Variants in ALKBH8 observed in about 807,000 individuals in gnomAD.
The protein encoded by ALKBH8 is tRNA (carboxymethyluridine(34)-5-O)-methyltransferase ALKBH8.
A neutral mutation model predicts 59.8 loss-of-function variants in ALKBH8; 36 were observed. The observed-to-expected ratio is 0.60, with a 90% CI of 0.46 to 0.79. The LOEUF is 0.79. Ranked by LOEUF, ALKBH8 falls within the 30% of genes least tolerant of loss-of-function variation. ALKBH8 has a pLI of 0.00. For synonymous variants in ALKBH8, 276 were observed against 273.6 expected, an observed-to-expected ratio of 1.01 and a Z score of -0.09; for missense variants, 768 against 801.0, an observed-to-expected ratio of 0.96 and a Z score of 0.50.
In ALKBH8 at chr11:107,504,713, A is replaced by G. The variant is rs1329239663; in HGVS notation, c.1940T>C (p.Ile647Thr). 1.3e-6 allele frequency: 2 copies of G among 1,551,616 alleles called. No homozygotes were observed. The highest frequency in any genetic ancestry group is 4.9e-5 in the East Asian group (2 of 40,920). Reference sequence around the variant, plus strand: ...TCCTTGATCGTAGTAGCTTTGCAGAATTCTGACATCACTCACAGTCCTGCA... The same window carrying G: ...TCCTTGATCGTAGTAGCTTTGCAGAGTTCTGACATCACTCACAGTCCTGCA... ...GACRTVSDVRILQSYYDQGNW... is the reference protein window; with the variant it reads ...GACRTVSDVRTLQSYYDQGNW... The change falls in exon 12 of 12, where the codon ATT becomes ACT. Residue 647 changes from isoleucine (I) to threonine (T), a missense_variant. By Grantham distance (89) the Ile-to-Thr change is moderately conservative. Coordinates refer to ENST00000428149, the MANE Select transcript of ALKBH8 (RefSeq NM_138775.3).
chr11:107,531,655 T>C (rs1863599472), intron 8 of ALKBH8, among the ~76,000 whole-genome samples: 1 of 152,236 alleles, frequency 6.6e-6, no homozygotes, highest in African/African-American at 2.4e-5. Flanking sequence ...ATTTTATCAA[T>C]GTTGAATTTC....
intron 11 of ALKBH8, among the ~76,000 whole-genome samples, chr11:107,508,477 T>C (rs113366089): frequency 4.3e-4 from 65 of 152,202 alleles, no homozygotes; most frequent in Non-Finnish European, 7.8e-4. Context: ...CTGGCCTCAA[T>C]GACTTATTTT....
At chr11:107,539,194 GAATTGACAGT>G (rs1863937710) in intron 7 of ALKBH8, among the ~76,000 whole-genome samples, 1 of 152,218 alleles carries the variant, frequency 6.6e-6, no homozygotes, top group African/African-American at 2.4e-5. Context: ...CAGGGCAGAG[GAATTGACAGT>G]AATTTTGCCC....
At chr11:107,514,405 A>T (rs1862770398) in intron 10 of ALKBH8, among the ~76,000 whole-genome samples, 2 of 152,196 alleles carry the variant, frequency 1.3e-5, no homozygotes, top group South Asian at 4.1e-4. Flanking sequence ...TCGGTATTAA[A>T]CAGCTTCTAT....
chr11:107,530,600 AACACACACACACACACACACACAC>A (rs66736211), intron 8 of ALKBH8, among the ~76,000 whole-genome samples: 4 of 132,098 alleles, frequency 3.0e-5, no homozygotes, highest in South Asian at 2.6e-4. Flanking sequence ...CTCTCTTCCT[AACACACACACACACACACACACAC>A]ACACACACAC....
At chr11:107,520,196 C>T (rs755573416) in intron 10 of ALKBH8, among the ~76,000 whole-genome samples, 11 of 152,094 alleles carry the variant, frequency 7.2e-5, no homozygotes, top group Non-Finnish European at 1.3e-4. Context: ...TTCAACAAAC[C>T]ATTAATTAGT....
chr11:107,510,433 A>C (rs974012372), intron 11 of ALKBH8, among the ~76,000 whole-genome samples: 1 of 152,184 alleles, frequency 6.6e-6, no homozygotes, highest in Non-Finnish European at 1.5e-5. Context: ...GAAAAACAGA[A>C]TGGGAAAGAA....
Position 107,510,844 on chromosome 11 carries a change from G to T in ALKBH8, c.1437+43C>A, listed in dbSNP as rs1485584548. 3 of 1,540,578 alleles carry T rather than the reference G, an allele frequency of 1.9e-6. No individual in the cohort carries two copies. The South Asian group carries it at 3.7e-5, about 19-fold the overall frequency. ...GCAAAATTCATGAACTCTTCCTGCT[G>T]CTTTAGCTACAAGTTCTTAAGAGAA... On this transcript the variant is annotated intron_variant, in intron 11 of 11. Coordinates refer to ENST00000428149, the MANE Select transcript of ALKBH8 (RefSeq NM_138775.3).
rs557679949 is a variant in ALKBH8 at position 107,508,760 on chromosome 11, T to C, written c.1437+2127A>G. On this transcript the variant is annotated intron_variant, in intron 11 of 11. Coordinates refer to ENST00000428149, the MANE Select transcript of ALKBH8 (RefSeq NM_138775.3). ...AGTAGTTCATGTAAGTAGAATGATA[T>C]AGTATTTGTCCTTTTGCATCTGGCT... 3.3e-5 allele frequency among the ~76,000 whole-genome samples: 5 copies of C among 152,330 alleles called. No individual in the cohort carries two copies. In the South Asian group the frequency reaches 6.2e-4, roughly 19 times the overall value.
At chr11:107,551,486 G>T in intron 6 of ALKBH8, among the ~76,000 whole-genome samples, 1 of 152,004 alleles carries the variant, frequency 6.6e-6, no homozygotes, top group Admixed American at 6.6e-5. Flanking sequence ...CTGAGGTCAG[G>T]AGTTTGAGAC....
chr11:107,534,265 A>G (rs1863718774), intron 7 of ALKBH8, among the ~76,000 whole-genome samples: 1 of 152,244 alleles, frequency 6.6e-6, no homozygotes, highest in Non-Finnish European at 1.5e-5. Context: ...CCACACCTCG[A>G]AAGAATAATG....
At chr11:107,528,634 C>T (rs1257187255) in intron 8 of ALKBH8, among the ~76,000 whole-genome samples, 2 of 152,138 alleles carry the variant, frequency 1.3e-5, no homozygotes, top group African/African-American at 2.4e-5. Context: ...AAATCAATTA[C>T]TTCACTTGCC....
In ALKBH8 at chr11:107,503,571, A is replaced by C. The variant is rs1327621334; in HGVS notation, c.*1087T>G. On this transcript the variant is annotated 3_prime_UTR_variant, in exon 12 of 12. Transcript: ENST00000428149. ...ATTTCTACCTTTGTTCCTCCAGGAA[A>C]TCTAACCTAAGTGGTAAGTTAACTG... 2.6e-5 allele frequency: 4 copies of C among 152,186 alleles called. No individual in the cohort carries two copies. 9.4% of individuals were successfully genotyped at this position (152,186 alleles called of 1,614,324 possible).
chr11:107,537,190 T>C (rs1323181331), intron 7 of ALKBH8, among the ~76,000 whole-genome samples: 2 of 152,256 alleles, frequency 1.3e-5, no homozygotes, highest in East Asian at 3.8e-4. Context: ...GTTGGGTTAG[T>C]TTTGTGCAGT....
chr11:107,557,065 G>T, intron 2 of ALKBH8, 62 bp from the exon 3 acceptor site: 2 of 1,144,640 alleles, frequency 1.7e-6, no homozygotes, highest in Non-Finnish European at 2.3e-6. Context: ...CAACCCATTT[G>T]TTTTAAAATA....
chr11:107,515,398 C>T (rs1862822177), intron 10 of ALKBH8, among the ~76,000 whole-genome samples: 1 of 152,194 alleles, frequency 6.6e-6, no homozygotes, highest in African/African-American at 2.4e-5. Flanking sequence ...CTCTGTCACC[C>T]AGGCTGGAGT....
chr11:107,530,815 C>T (rs1863564276), intron 8 of ALKBH8, among the ~76,000 whole-genome samples: 1 of 152,110 alleles, frequency 6.6e-6, no homozygotes, highest in Non-Finnish European at 1.5e-5. Context: ...CATTTAATAG[C>T]ATAACATGCT....
At chr11:107,554,376 T>C (rs916921700) in intron 3 of ALKBH8, among the ~76,000 whole-genome samples, 10 of 152,078 alleles carry the variant, frequency 6.6e-5, no homozygotes, top group Admixed American at 5.9e-4. Flanking sequence ...CTATAGTAAA[T>C]AGAAATAGAA....
intron 2 of ALKBH8, among the ~76,000 whole-genome samples, chr11:107,558,799 T>C (rs950608073): frequency 6.6e-6 from 1 of 152,234 alleles, no homozygotes; most frequent in African/African-American, 2.4e-5. Flanking sequence ...GAGGAGTATG[T>C]ATGAAGTAGA....
Sources: gnomAD v4.1 joint callset for allele counts (sites outside exome capture counted in the v4.1 genomes callset) on GRCh38, gnomAD v4.1.1 for gene constraint, MANE v1.5 for transcripts, NCBI Gene and HGNC (gene_info 2026-07-23, HGNC 2026-07-21) for gene names.